Variants in KSR2 observed in about 807,000 individuals in gnomAD.
The protein encoded by KSR2 is kinase suppressor of ras 2.
A neutral mutation model predicts 107.8 loss-of-function variants in KSR2; 25 were observed. The observed-to-expected ratio is 0.23, with a 90% CI of 0.17 to 0.32. KSR2 has a LOEUF of 0.32. Among genes scored for constraint, KSR2 ranks in the 10% least tolerant of loss-of-function variants. The pLI, the probability that KSR2 is intolerant of heterozygous loss-of-function variation, is 1.00. For missense variants in KSR2, 887 were observed against 1,268.9 expected, an observed-to-expected ratio of 0.70 and a Z score of 4.57; for synonymous variants, 480 against 507.0, an observed-to-expected ratio of 0.95 and a Z score of 0.71.
At chr12:117,740,633 A>C (rs1296433869) in intron 4 of KSR2, among the ~76,000 whole-genome samples, 1 of 121,568 alleles carries the variant, frequency 8.2e-6, no homozygotes. Flanking sequence ...TATATATGTA[A>C]TATATACATA....
chr12:117,830,251 A>T (rs1891908667), intron 3 of KSR2, among the ~76,000 whole-genome samples: 1 of 152,042 alleles, frequency 6.6e-6, no homozygotes, highest in African/African-American at 2.4e-5. Flanking sequence ...CCCGGGAAAC[A>T]GAGTGAGATT....
At chr12:117,826,904 G>A (rs976491058) in intron 3 of KSR2, among the ~76,000 whole-genome samples, 1 of 151,942 alleles carries the variant, frequency 6.6e-6, no homozygotes, top group Non-Finnish European at 1.5e-5. Context: ...TGGGTAACAT[G>A]GTGAACCCCA....
At chr12:117,859,101 T>C (rs1893194944) in intron 2 of KSR2, among the ~76,000 whole-genome samples, 1 of 151,216 alleles carries the variant, frequency 6.6e-6, no homozygotes, top group Admixed American at 6.6e-5. Context: ...CAGGCTGGCA[T>C]CTACTGAGTG....
chr12:117,522,117 C>T (rs1431902680), intron 14 of KSR2, among the ~76,000 whole-genome samples: 1 of 152,076 alleles, frequency 6.6e-6, no homozygotes, highest in East Asian at 1.9e-4. Context: ...AATCTGTAGG[C>T]AGTTATGGCG....
At position 117,455,403 on chromosome 12, in the gene KSR2, C is replaced by G. The variant is rs1870569625; in HGVS notation, c.*11796G>C. On this transcript the variant is annotated 3_prime_UTR_variant, in exon 20 of 20. Transcript: ENST00000339824. ...CTCTGAGTCCACACATAGGCTGTTC[C>G]TTCTGTCTGACACACCGTTCCCTAC... 6.6e-6 allele frequency: 1 copy of G among 152,230 alleles called. No individual in the cohort carries two copies. Among genetic ancestry groups the G allele is most frequent in the Non-Finnish European group, 1.5e-5 (1 of 68,052 alleles). 9.4% of individuals were successfully genotyped at this position (152,230 alleles called of 1,614,324 possible).
chr12:117,761,300 G>C lies in KSR2; in HGVS notation c.697C>G (p.Pro233Ala). ...AGTGGCGGGGGCGGGCACAAGCCCG[G>C]GTAGGCGTCCACGGTAAGCCTGTCC... ...HVDRLTVDAY[P>A]GLCPPPPLES... Residue 233 changes from proline to alanine, a missense_variant, in exon 4 of 20, where the codon CCG (proline) becomes GCG (alanine). Pro to Ala is a conservative substitution (Grantham distance 27, BLOSUM62 -1). Around this residue, in one of 8 missense-constraint regions of KSR2, gnomAD observed 399 missense variants for 479.5 expected, o/e 0.83. Coordinates refer to ENST00000339824, the MANE Select transcript of KSR2 (RefSeq NM_173598.6). 6 of 1,522,826 alleles carry C rather than the reference G, an allele frequency of 3.9e-6. No homozygotes were observed. Among genetic ancestry groups the C allele is most frequent in the Non-Finnish European group, 5.3e-6 (6 of 1,139,116 alleles). 94.3% of individuals were successfully genotyped at this position (1,522,826 alleles called of 1,614,324 possible).
intron 3 of KSR2, among the ~76,000 whole-genome samples, chr12:117,773,184 G>A (rs1398571540): frequency 6.6e-6 from 1 of 152,144 alleles, no homozygotes; most frequent in African/African-American, 2.4e-5. Context: ...AATAGGAAAG[G>A]TGTGGTAGCA....
chr12:117,620,572 T>C (rs1052697212), intron 5 of KSR2, among the ~76,000 whole-genome samples: 14 of 152,198 alleles, frequency 9.2e-5, no homozygotes, highest in Non-Finnish European at 1.9e-4. Context: ...TTTACCACTA[T>C]TGAAGCTTAT....
intron 4 of KSR2, among the ~76,000 whole-genome samples, chr12:117,668,909 A>G (rs897346777): frequency 5.9e-5 from 9 of 152,298 alleles, no homozygotes; most frequent in African/African-American, 9.6e-5. Context: ...AGTCACATAG[A>G]GCAGGAATTT....
At chr12:117,490,390 T>C (rs1186245800) in intron 14 of KSR2, among the ~76,000 whole-genome samples, 2 of 152,214 alleles carry the variant, frequency 1.3e-5, no homozygotes, top group African/African-American at 4.8e-5. Context: ...GGGCACATTC[T>C]ATGTGCCAGA....
chr12:117,647,181 G>T (rs563752226), intron 5 of KSR2, among the ~76,000 whole-genome samples: 3 of 152,246 alleles, frequency 2.0e-5, no homozygotes, highest in African/African-American at 7.2e-5. Context: ...ACAGAGGAGG[G>T]TTTTACTCTC....
intron 4 of KSR2, among the ~76,000 whole-genome samples, chr12:117,682,039 C>T (rs1209610014): frequency 6.6e-6 from 1 of 152,142 alleles, no homozygotes; most frequent in African/African-American, 2.4e-5. Context: ...CAATGATAGA[C>T]TGGATAAAGA....
At chr12:117,542,525 C>T (rs1876575704) in intron 9 of KSR2, among the ~76,000 whole-genome samples, 1 of 152,062 alleles carries the variant, frequency 6.6e-6, no homozygotes, top group Non-Finnish European at 1.5e-5. Context: ...CCCATCAAAA[C>T]GAAGATCCCT....
chr12:117,955,205 T>C (rs1449015030), intron 1 of KSR2, among the ~76,000 whole-genome samples: 1 of 151,942 alleles, frequency 6.6e-6, no homozygotes, highest in African/African-American at 2.4e-5. Flanking sequence ...CACTGCAGCC[T>C]CAATCTCCCT....
At chr12:117,807,826 A>C (rs1891063239) in intron 3 of KSR2, among the ~76,000 whole-genome samples, 1 of 152,234 alleles carries the variant, frequency 6.6e-6, no homozygotes, top group Admixed American at 6.5e-5. Context: ...CAAGCTAATA[A>C]GTAAACAAGA....
chr12:117,523,180 C>A (rs1393834462), intron 14 of KSR2, among the ~76,000 whole-genome samples: 1 of 152,216 alleles, frequency 6.6e-6, no homozygotes, highest in Non-Finnish European at 1.5e-5. Context: ...TACCTTCTAC[C>A]AATCACCAAG....
In KSR2 at chr12:117,492,531, C is replaced by T. The variant is rs1017018792; in HGVS notation, c.2220-6840G>A. On this transcript the variant is annotated intron_variant, in intron 14 of 19. Coordinates refer to ENST00000339824, the MANE Select transcript of KSR2 (RefSeq NM_173598.6). The stretch of plus-strand genomic sequence containing the variant: ...CACGACCTTGGGGCACACTGCATCT[C>T]ATGGGGGCACAGGCTCTGCCTCTAT... 9.2e-5 allele frequency among the ~76,000 whole-genome samples: 14 copies of T among 152,222 alleles called. 1 individual carries two copies. Among genetic ancestry groups the T allele is most frequent in the Admixed American group, 7.2e-4 (11 of 15,284 alleles).
At chr12:117,830,016 C>CCAGTGG (rs1891900202) in intron 3 of KSR2, among the ~76,000 whole-genome samples, 1 of 152,082 alleles carries the variant, frequency 6.6e-6, no homozygotes, top group African/African-American at 2.4e-5. Context: ...GTCTGTAATC[C>CCAGTGG]CAGCACTCTG....
At position 117,648,465 on chromosome 12, in the gene KSR2, T is replaced by C. The variant is rs545971398; in HGVS notation, c.1171+19009A>G. Among the ~76,000 whole-genome samples, 36 of 152,350 alleles carry C rather than the reference T, an allele frequency of 2.4e-4. No individual in the cohort carries two copies. In the South Asian group the frequency reaches 5.8e-3, roughly 25 times the overall value. On this transcript the variant is annotated intron_variant, in intron 5 of 19. Transcript: ENST00000339824. ...GCATAAGGCATTGGGGCTTCATTTA[T>C]GCATTCAAAACATACTTGTTCAGAG...
Sources: allele counts gnomAD v4.1 joint callset (sites outside exome capture counted in the v4.1 genomes callset), GRCh38; gene constraint gnomAD v4.1.1; regional missense constraint gnomAD v4.1.1; transcripts MANE v1.5; gene names NCBI Gene and HGNC (gene_info 2026-07-23, HGNC 2026-07-21).